VEPH1: variants seen among roughly 807,000 people sequenced by gnomAD.
VEPH1 encodes the protein ventricular zone-expressed PH domain-containing protein homolog 1.
Under a neutral mutation model 85.2 loss-of-function variants are expected in VEPH1, and 80 were observed. The observed-to-expected ratio is 0.94, with a 90% CI of 0.78 to 1.13. The LOEUF (loss-of-function observed/expected upper bound fraction) is 1.13, where lower values mean the gene tolerates loss of function less well. VEPH1 is among the 50% of genes most tolerant of loss of function. The pLI is 0.00. For missense variants in VEPH1, 955 were observed against 980.5 expected, an observed-to-expected ratio of 0.97 and a Z score of 0.35; for synonymous variants, 297 against 348.0, an observed-to-expected ratio of 0.85 and a Z score of 1.63.
chr3:157,262,368 G>A (rs2108231399), intron 13 of VEPH1, among the ~76,000 whole-genome samples: 1 of 152,008 alleles, frequency 6.6e-6, no homozygotes, highest in South Asian at 2.1e-4. Flanking sequence ...TTTCATGAAG[G>A]ATATAACTTT....
At chr3:157,378,851 C>T (rs1009241849) in intron 7 of VEPH1, among the ~76,000 whole-genome samples, 5 of 152,210 alleles carry the variant, frequency 3.3e-5, no homozygotes, top group African/African-American at 1.2e-4. Context: ...TGTTCATCCA[C>T]CCCCCTCTTC....
At chr3:157,376,571 GC>G (rs1229910035) in intron 7 of VEPH1, among the ~76,000 whole-genome samples, 4 of 152,122 alleles carry the variant, frequency 2.6e-5, no homozygotes, top group Non-Finnish European at 5.9e-5. Context: ...TAAATGCTTT[GC>G]TTGGCTGTCC....
chr3:157,407,102 A>G (rs1731198223), intron 6 of VEPH1, among the ~76,000 whole-genome samples: 1 of 152,140 alleles, frequency 6.6e-6, no homozygotes. Context: ...GTGAGCAGAG[A>G]CCACTTGCGT....
chr3:157,307,227 C>CT (rs1440815166), intron 11 of VEPH1, among the ~76,000 whole-genome samples: 4 of 151,614 alleles, frequency 2.6e-5, no homozygotes, highest in Non-Finnish European at 5.9e-5. Flanking sequence ...CTTAAGTGTT[C>CT]TTTTTTCTAA....
intron 7 of VEPH1, among the ~76,000 whole-genome samples, chr3:157,369,495 G>C (rs12496269): frequency 0.23 from 34,717 of 152,094 alleles, 4,771 homozygotes; most frequent in Admixed American, 0.43. Context: ...TAGATTTGTA[G>C]AGCACAGAAG....
intron 9 of VEPH1, among the ~76,000 whole-genome samples, chr3:157,330,840 T>C (rs888938995): frequency 1.3e-5 from 2 of 152,154 alleles, no homozygotes; most frequent in Non-Finnish European, 2.9e-5. Context: ...GAGGCCACTA[T>C]GTTAACAGGC....
At chr3:157,290,881 G>GA (rs1420363105) in intron 11 of VEPH1, among the ~76,000 whole-genome samples, 1 of 152,228 alleles carries the variant, frequency 6.6e-6, no homozygotes, top group African/African-American at 2.4e-5. Context: ...AGGCAGCATA[G>GA]AAAGATGAGA....
In VEPH1 at chr3:157,342,360, A is replaced by G. The variant is rs528351106; in HGVS notation, c.1735+21004T>C. ...ACCAAGCAAATGGAAAACAAAAAAA[A>G]GGCAGGGGTTGCAATCCTAGTCTCT... is the stretch of plus-strand genomic sequence containing the variant. On this transcript the variant is annotated intron_variant, in intron 9 of 13. Transcript: ENST00000362010. Among the ~76,000 whole-genome samples, 929 of 152,270 alleles carry G rather than the reference A, an allele frequency of 6.1e-3. 15 individuals carry two copies. Among genetic ancestry groups the G allele is most frequent in the African/African-American group, 0.021 (878 of 41,538 alleles).
At chr3:157,303,604 T>C (rs574494870) in intron 11 of VEPH1, among the ~76,000 whole-genome samples, 44 of 152,302 alleles carry the variant, frequency 2.9e-4, no homozygotes, top group African/African-American at 1.1e-3. Context: ...GCTCCCTGCC[T>C]GAGCAAAGAG....
intron 2 of VEPH1, among the ~76,000 whole-genome samples, chr3:157,484,934 T>G (rs1383658770): frequency 6.6e-6 from 1 of 152,212 alleles, no homozygotes; most frequent in African/African-American, 2.4e-5. Flanking sequence ...TCATCTATGC[T>G]AAGAGAATTG....
At chr3:157,442,734 A>G in intron 4 of VEPH1, 2 of 1,614,220 alleles carry the variant, frequency 1.2e-6, no homozygotes, top group Non-Finnish European at 1.7e-6. Context: ...CACAGGTCAC[A>G]TTGTTCCTGA....
chr3:157,309,727 T>C (rs1366205192), intron 11 of VEPH1, among the ~76,000 whole-genome samples: 1 of 152,038 alleles, frequency 6.6e-6, no homozygotes, highest in African/African-American at 2.4e-5. Context: ...TGTGTGAGAT[T>C]GATATATAGT....
intron 11 of VEPH1, among the ~76,000 whole-genome samples, chr3:157,296,456 G>A (rs572910711): frequency 6.6e-6 from 1 of 152,304 alleles, no homozygotes; most frequent in South Asian, 2.1e-4. Context: ...CAAACTCCCT[G>A]TAGAGGAGTC....
chr3:157,432,095 G>A (rs542954651), intron 4 of VEPH1, among the ~76,000 whole-genome samples: 79 of 152,024 alleles, frequency 5.2e-4, no homozygotes, highest in African/African-American at 1.6e-3. Context: ...TGATCTGCCC[G>A]CCTCAGCCTC....
At chr3:157,313,855 T>A in intron 10 of VEPH1, 100 bp from the exon 11 acceptor site, 1 of 1,361,824 alleles carries the variant, frequency 7.3e-7, no homozygotes, top group Non-Finnish European at 1.0e-6. Flanking sequence ...GTTTGAACTT[T>A]AACATGATTT....
At position 157,470,373 on chromosome 3, in the gene VEPH1, T is replaced by C; in HGVS notation, c.295A>G (p.Lys99Glu). The change falls in exon 3 of 14, where the codon AAA becomes GAA. Residue 99 changes from lysine (K) to glutamate (E), a missense_variant. Lys to Glu is a moderately conservative substitution (Grantham distance 56). Coordinates refer to ENST00000362010, the MANE Select transcript of VEPH1 (RefSeq NM_001167912.2). ...CLEHNLRPFG[K>E]DEDTPHAKIA... ...TTTGCATGAGGAGTGTCTTCGTCTTTCCCAAAGGGTCTCAGGTTATGTTCC... is the reference window on the plus strand; with the variant it reads ...TTTGCATGAGGAGTGTCTTCGTCTTCCCCAAAGGGTCTCAGGTTATGTTCC... 6.2e-7 allele frequency: 1 copy of C among 1,614,094 alleles called. No homozygotes were observed.
chr3:157,396,024 T>A (rs1357222718), intron 6 of VEPH1, among the ~76,000 whole-genome samples: 1 of 152,224 alleles, frequency 6.6e-6, no homozygotes, highest in African/African-American at 2.4e-5. Flanking sequence ...GCTGCACCTA[T>A]CAACCCATCA....
intron 2 of VEPH1, chr3:157,493,241 T>G (rs983291991): frequency 2.2e-6 from 1 of 456,370 alleles, no homozygotes; most frequent in Non-Finnish European, 4.4e-6. Context: ...AGCAATCTTC[T>G]GTGCTGGAAG....
intron 6 of VEPH1, among the ~76,000 whole-genome samples, chr3:157,410,309 C>A (rs1731436136): frequency 6.6e-6 from 1 of 152,148 alleles, no homozygotes; most frequent in African/African-American, 2.4e-5. Flanking sequence ...ATAGACCAAG[C>A]TTTCCACATA....
Sources: allele counts gnomAD v4.1 joint callset (sites outside exome capture counted in the v4.1 genomes callset), GRCh38; gene constraint gnomAD v4.1.1; transcripts MANE v1.5; gene names NCBI Gene and HGNC (gene_info 2026-07-23, HGNC 2026-07-21).